NDUFA9: variants seen among roughly 807,000 people sequenced by gnomAD.
NDUFA9 encodes NADH dehydrogenase [ubiquinone] 1 alpha subcomplex subunit 9, mitochondrial.
In NDUFA9, 23 loss-of-function variants were observed where a neutral mutation model predicts 45.9. That is an observed-to-expected ratio of 0.50 (90% CI 0.36 to 0.71). The LOEUF (loss-of-function observed/expected upper bound fraction) is 0.71. NDUFA9 is among the 30% of genes least tolerant of loss of function. NDUFA9 has a pLI of 0.00. For synonymous variants in NDUFA9, 176 were observed against 170.5 expected (o/e 1.03, Z -0.25); for missense variants, 466 against 488.2 (o/e 0.95, Z 0.43).
intron 1 of NDUFA9, among the ~76,000 whole-genome samples, chr12:4,650,164 C>T (rs1945748818): frequency 6.6e-6 from 1 of 152,088 alleles, no homozygotes; most frequent in African/African-American, 2.4e-5. Context: ...TAGCTCCTTG[C>T]ACCTTAAATT....
chr12:4,659,388 G>A (rs934147937), intron 5 of NDUFA9, among the ~76,000 whole-genome samples: 13 of 152,166 alleles, frequency 8.5e-5, no homozygotes, highest in Non-Finnish European at 1.3e-4. Context: ...ATGGGGCTTC[G>A]GAGTTGGCTA....
chr12:4,663,543 G>A (rs11832426), intron 6 of NDUFA9, among the ~76,000 whole-genome samples: 4,328 of 152,246 alleles, frequency 0.028, 203 homozygotes, highest in African/African-American at 0.099. Flanking sequence ...TGCACATACT[G>A]AGGAAAGGCC....
rs759983004 is a variant in NDUFA9 at position 4,662,591 on chromosome 12, C to T, written c.611C>T (p.Ser204Leu). 1.2e-5 allele frequency: 20 copies of T among 1,613,760 alleles called. No individual in the cohort carries two copies. The highest frequency in any genetic ancestry group is 2.7e-5 in the African/African-American group (2 of 74,910). Residue 204 changes from serine (S) to leucine (L), a missense_variant, in exon 6 of 11, where the codon TCG becomes TTG. By Grantham distance (145) the Ser-to-Leu change is moderately radical (BLOSUM62 -2). Transcript: ENST00000266544. ...CCGGAAGCCATTATCGTAAAGCCGT[C>T]GGACATCTTTGGAAGAGAGGATAGA... is the stretch of plus-strand genomic sequence containing the variant. The part of the protein sequence containing the change: ...AFPEAIIVKP[S>L]DIFGREDRFL...
intron 8 of NDUFA9, among the ~76,000 whole-genome samples, chr12:4,671,070 G>T (rs4147689): frequency 0.65 from 98,944 of 151,746 alleles, 32,700 homozygotes; most frequent in Non-Finnish European, 0.71. Flanking sequence ...ATTGTAGATA[G>T]GTATCTACAC....
intron 4 of NDUFA9, 143 bp from the exon 5 acceptor site, chr12:4,658,893 T>G: frequency 1.1e-6 from 1 of 888,530 alleles, no homozygotes; most frequent in Admixed American, 2.8e-5. Context: ...CCTGGCCAAA[T>G]TTAGCTTTAA....
chr12:4,684,685 C>T (rs1945973810), intron 9 of NDUFA9, among the ~76,000 whole-genome samples: 1 of 152,080 alleles, frequency 6.6e-6, no homozygotes, highest in Non-Finnish European at 1.5e-5. Context: ...ACGTAAGGAG[C>T]CCTTCAATTT....
chr12:4,682,766 G>T (rs912089326), intron 9 of NDUFA9, among the ~76,000 whole-genome samples: 5 of 152,140 alleles, frequency 3.3e-5, no homozygotes, highest in Non-Finnish European at 5.9e-5. Context: ...TCTCTTTGTG[G>T]GTTAAATATC....
chr12:4,657,957 G>C (rs1016077987), intron 4 of NDUFA9, 118 bp downstream of exon 4: 4 of 822,712 alleles, frequency 4.9e-6, no homozygotes, highest in Non-Finnish European at 6.1e-6. Context: ...AGTGAATAAG[G>C]GTTGGTTGAA....
chr12:4,652,948 G>A (rs1945767775), intron 1 of NDUFA9, among the ~76,000 whole-genome samples: 1 of 152,272 alleles, frequency 6.6e-6, no homozygotes, highest in Non-Finnish European at 1.5e-5. Context: ...CCACCTGAAA[G>A]TCATCCCTAG....
chr12:4,681,454 C>T (rs1591550244), intron 8 of NDUFA9, among the ~76,000 whole-genome samples: 1 of 149,762 alleles, frequency 6.7e-6, no homozygotes, highest in Admixed American at 6.7e-5. Flanking sequence ...AATGATCTCT[C>T]ATATTAAAGA....
intron 6 of NDUFA9, among the ~76,000 whole-genome samples, chr12:4,666,067 A>G (rs903640470): frequency 1.3e-5 from 2 of 152,142 alleles, no homozygotes; most frequent in African/African-American, 2.4e-5. Flanking sequence ...AGCCTCCCAA[A>G]GTTCTAGGAT....
At chr12:4,666,651 T>C (rs1255717210) in intron 6 of NDUFA9, among the ~76,000 whole-genome samples, 1 of 152,224 alleles carries the variant, frequency 6.6e-6, no homozygotes, top group African/African-American at 2.4e-5. Context: ...TGAATGGTCT[T>C]GGTGCTTTTG....
chr12:4,689,493 G>A lies in NDUFA9; in HGVS notation c.*2385G>A, dbSNP rs1437291214. On this transcript the variant is annotated 3_prime_UTR_variant, in exon 11 of 11. Coordinates refer to ENST00000266544, the MANE Select transcript of NDUFA9 (RefSeq NM_005002.5). ...CCTGGGTACTTGAGATTAGGGAGTG[G>A]TGATGACTCTTAACGAGCATGCTGC... is the stretch of plus-strand genomic sequence containing the variant. The A allele has an allele frequency of 6.4e-6, 1 of 156,872 alleles. No homozygotes were observed. The highest frequency in any genetic ancestry group is 1.4e-5 in the Non-Finnish European group (1 of 71,614). The allele number at this position is 156,872 out of a possible 1,614,324, so 9.7% of individuals were successfully genotyped here.
rs1362478357 is a variant in NDUFA9 at position 4,692,258 on chromosome 12, T to A, written c.*5150T>A. On this transcript the variant is annotated 3_prime_UTR_variant, in exon 11 of 11. Coordinates refer to ENST00000266544, the MANE Select transcript of NDUFA9 (RefSeq NM_005002.5). Reference sequence around the variant, plus strand: ...GATCATGGAGTAGATTTATCATGAATGATTTAGTACCATTCTCTTGGTACA... The same window carrying A: ...GATCATGGAGTAGATTTATCATGAAAGATTTAGTACCATTCTCTTGGTACA... 4 of 152,280 alleles carry A rather than the reference T, an allele frequency of 2.6e-5. No individual in the cohort carries two copies. In the East Asian group the frequency reaches 7.7e-4, roughly 29 times the overall value. The allele number at this position is 152,280 out of a possible 1,614,324, so 9.4% of individuals were successfully genotyped here. A position where few individuals can be genotyped will look rare whatever the true frequency, so the allele number is the denominator to read the frequency against.
intron 6 of NDUFA9, 23 bp from the exon 7 acceptor site, chr12:4,668,434 G>T (rs1565568642): frequency 1.3e-6 from 2 of 1,597,708 alleles, no homozygotes; most frequent in Non-Finnish European, 1.7e-6. Context: ...TCTCAGTATA[G>T]TTCTCATTCT....
chr12:4,684,840 T>C (rs1337769183), intron 9 of NDUFA9: 2 of 386,114 alleles, frequency 5.2e-6, no homozygotes, highest in Non-Finnish European at 4.6e-6. Context: ...GCCCCAGCTT[T>C]CAGGGGTTAC....
At chr12:4,686,678 C>T (rs1358374943) in intron 10 of NDUFA9, among the ~76,000 whole-genome samples, 2 of 152,110 alleles carry the variant, frequency 1.3e-5, no homozygotes, top group African/African-American at 4.8e-5. Flanking sequence ...TCATGTAGTG[C>T]CAACATCCTG....
In NDUFA9 at chr12:4,659,192, G is replaced by A. The variant is rs773014699; in HGVS notation, c.552+15G>A. The A allele has an allele frequency of 3.1e-6, 5 of 1,600,636 alleles. No individual in the cohort carries two copies. The African/African-American group carries it at 4.0e-5, about 13-fold the overall frequency. On this transcript the variant is annotated intron_variant, in intron 5 of 10. Coordinates refer to ENST00000266544, the MANE Select transcript of NDUFA9 (RefSeq NM_005002.5). ...TGAGAAATAAGGTAAGTAACAAATTGATCTGGGAAGTGGTTCACAGAGCCA... is the reference window on the plus strand; with the variant it reads ...TGAGAAATAAGGTAAGTAACAAATTAATCTGGGAAGTGGTTCACAGAGCCA...
At chr12:4,672,537 G>A (rs1945893709) in intron 8 of NDUFA9, among the ~76,000 whole-genome samples, 1 of 152,216 alleles carries the variant, frequency 6.6e-6, no homozygotes, top group Non-Finnish European at 1.5e-5. Flanking sequence ...GGACGTATGA[G>A]CTTGGGAGGG....
Sources: allele counts gnomAD v4.1 joint callset (sites outside exome capture counted in the v4.1 genomes callset), GRCh38; gene constraint gnomAD v4.1.1; transcripts MANE v1.5; gene names NCBI Gene and HGNC (gene_info 2026-07-23, HGNC 2026-07-21).